Variants in ZNF600 observed in about 807,000 individuals in gnomAD.
ZNF600 encodes zinc finger protein KR-ZNF1.
In ZNF600, 4 loss-of-function variants were observed where a neutral mutation model predicts 7.3. The observed-to-expected ratio is 0.55, with a 90% confidence interval of 0.27 to 1.25. The LOEUF is 1.25. Among genes scored for constraint, ZNF600 ranks in the 50% most tolerant of loss-of-function variants. The probability of loss-of-function intolerance (pLI) is 0.12; values close to 1 mark genes in which losing one functional copy is unlikely to be tolerated. For synonymous variants in ZNF600, 290 were observed against 308.9 expected, an observed-to-expected ratio of 0.94 and a Z score of 0.64; for missense variants, 911 against 922.1, an observed-to-expected ratio of 0.99 and a Z score of 0.16.
At chr19:52,818,044 AAT>A in the ZNF600 span, 1 of 1,594,342 alleles carries the variant, frequency 6.3e-7, no homozygotes, top group Non-Finnish European at 8.6e-7. Flanking sequence ...GAATGTTAAA[AAT>A]ATGTTGTTTA....
intron 1 of ZNF600, among the ~76,000 whole-genome samples, chr19:52,785,476 G>A (rs1245156746): frequency 6.6e-6 from 1 of 151,538 alleles, no homozygotes; most frequent in East Asian, 1.9e-4. Flanking sequence ...CTCGAACTCC[G>A]GACCTCAGGT....
chr19:52,807,717 C>T, the ZNF600 span, among the ~76,000 whole-genome samples: 47 of 152,080 alleles, frequency 3.1e-4, no homozygotes, highest in Non-Finnish European at 5.4e-4. Flanking sequence ...CATAGCGATC[C>T]ACACGCCTTG....
intron 3 of ZNF600, among the ~76,000 whole-genome samples, chr19:52,773,154 G>A (rs796174798): frequency 2.3e-4 from 34 of 150,350 alleles, no homozygotes; most frequent in Non-Finnish European, 3.4e-4. Context: ...GGGCAAGGGT[G>A]GAGAGCAGGA....
At chr19:52,774,395 C>T (rs1456832664) in intron 3 of ZNF600, among the ~76,000 whole-genome samples, 180 bp downstream of exon 5, 2 of 151,128 alleles carry the variant, frequency 1.3e-5, no homozygotes, top group African/African-American at 2.4e-5. Flanking sequence ...TACCATTGCT[C>T]TCCAGCCTGG....
chr19:52,815,704 G>A, the ZNF600 span, among the ~76,000 whole-genome samples: 2,513 of 143,412 alleles, frequency 0.018, 423 homozygotes, highest in African/African-American at 0.066. Context: ...AGGTGCCTGT[G>A]GTCCCAGCTA....
At chr19:52,818,917 T>C in the ZNF600 span, among the ~76,000 whole-genome samples, 4 of 135,570 alleles carry the variant, frequency 3.0e-5, no homozygotes, top group Non-Finnish European at 4.6e-5. Flanking sequence ...GCATTTCTGA[T>C]GGGACTGACA....
chr19:52,790,856 T>A (rs1425209035), upstream of ZNF600, among the ~76,000 whole-genome samples: 1 of 152,044 alleles, frequency 6.6e-6, no homozygotes, highest in Admixed American at 6.6e-5. Context: ...CCAACTCATA[T>A]TTTTAGTAGA....
chr19:52,808,654 A>C, the ZNF600 span, among the ~76,000 whole-genome samples: 433 of 151,872 alleles, frequency 2.9e-3, 3 homozygotes, highest in Non-Finnish European at 5.1e-3. Flanking sequence ...TAAAAAAAAA[A>C]ACAAAAAACA....
intron 2 of ZNF600, among the ~76,000 whole-genome samples, chr19:52,776,416 C>T (rs1321201793): frequency 1.4e-5 from 2 of 146,158 alleles, no homozygotes; most frequent in African/African-American, 5.0e-5. Flanking sequence ...ATACTTCTTA[C>T]TTTTTTTTTT....
At chr19:52,768,107 A>ATATTTC in intron 3 of ZNF600, among the ~76,000 whole-genome samples, 1 of 152,136 alleles carries the variant, frequency 6.6e-6, no homozygotes, top group Admixed American at 6.5e-5. Flanking sequence ...ATGAAGAGAA[A>ATATTTC]AATATATATT....
chr19:52,795,625 T>C, the ZNF600 span, among the ~76,000 whole-genome samples: 1 of 152,094 alleles, frequency 6.6e-6, no homozygotes, highest in East Asian at 1.9e-4. Flanking sequence ...GGAGTGTAGG[T>C]GCGCCATCTC....
intron 3 of ZNF600, 136 bp from the exon 6 acceptor site, chr19:52,767,908 A>G (rs1477869137): frequency 7.0e-6 from 9 of 1,292,646 alleles, no homozygotes; most frequent in Non-Finnish European, 9.3e-6. Context: ...GGAACACAAA[A>G]GGAGTAAGAT....
At chr19:52,785,475 C>T (rs916506923) in intron 1 of ZNF600, among the ~76,000 whole-genome samples, 4 of 152,026 alleles carry the variant, frequency 2.6e-5, no homozygotes, top group African/African-American at 7.2e-5. Context: ...TCTCGAACTC[C>T]GGACCTCAGG....
At chr19:52,827,718 T>G in the ZNF600 span, among the ~76,000 whole-genome samples, 2 of 151,760 alleles carry the variant, frequency 1.3e-5, no homozygotes, top group Admixed American at 1.3e-4. Flanking sequence ...CTAATTTTTT[T>G]GTATTTTTAG....
At chr19:52,818,385 T>C in the ZNF600 span, among the ~76,000 whole-genome samples, 1 of 152,172 alleles carries the variant, frequency 6.6e-6, no homozygotes, top group African/African-American at 2.4e-5. Flanking sequence ...GAGACCAGCC[T>C]GGCCAACATG....
the ZNF600 span, among the ~76,000 whole-genome samples, chr19:52,795,306 T>C: frequency 1.2e-4 from 18 of 152,324 alleles, no homozygotes; most frequent in Admixed American, 2.0e-4. Context: ...CTTTATCAAG[T>C]ACACATTGAA....
chr19:52,769,988 C>T (rs1186498869), intron 3 of ZNF600, among the ~76,000 whole-genome samples: 1 of 152,122 alleles, frequency 6.6e-6, no homozygotes, highest in African/African-American at 2.4e-5. Flanking sequence ...CAAGTAAGTA[C>T]ATTTATACAG....
intron 1 of ZNF600, 50 bp from the exon 2 acceptor site, chr19:52,781,514 C>T (rs984776421): frequency 2.6e-5 from 4 of 152,198 alleles, no homozygotes; most frequent in Admixed American, 1.3e-4. Flanking sequence ...CCCTTGTAAT[C>T]CCAGCACTTT....
At chr19:52,786,982 T>A (rs996227942), upstream of ZNF600, among the ~76,000 whole-genome samples, 1 of 152,234 alleles carries the variant, frequency 6.6e-6, no homozygotes, top group African/African-American at 2.4e-5. Context: ...GAGGCATGAT[T>A]CAAAAGCCCT....
Sources: allele counts gnomAD v4.1 joint callset (sites outside exome capture counted in the v4.1 genomes callset), GRCh38; gene constraint gnomAD v4.1.1; transcripts MANE v1.5; gene names NCBI Gene and HGNC (gene_info 2026-07-23, HGNC 2026-07-21).